Variants in MROH2B observed in about 807,000 individuals in gnomAD.
MROH2B encodes the protein maestro heat like repeat family member 2B.
Under a neutral mutation model 208.6 loss-of-function variants are expected in MROH2B, and 177 were observed. The observed-to-expected ratio is 0.85, with a 90% CI of 0.75 to 0.96. The LOEUF is 0.96. Among genes scored for constraint, MROH2B ranks in the 40% least tolerant of loss-of-function variants. The pLI is 0.00. For missense variants in MROH2B, 2,002 were observed against 1,878.7 expected (o/e 1.07, Z -1.21); for synonymous variants, 728 against 659.0 (o/e 1.10, Z -1.60).
chr5:41,061,770 G>T, intron 5 of MROH2B, 46 bp from the exon 6 acceptor site: 1 of 1,552,306 alleles, frequency 6.4e-7, no homozygotes, highest in Non-Finnish European at 8.7e-7. Flanking sequence ...ATATAAGGAT[G>T]GGGCAGACGA....
In MROH2B at chr5:41,069,681, T is replaced by A; in HGVS notation, c.90+10A>T. On this transcript the variant is annotated intron_variant, in intron 2 of 41. Coordinates refer to ENST00000399564, the MANE Select transcript of MROH2B (RefSeq NM_173489.5). ...AAAAAGGGAAAAAGATTTTTCTCTG[T>A]TTTCCCTACCTTGTTAACAATATCT... is the stretch of plus-strand genomic sequence containing the variant. The A allele has an allele frequency of 1.3e-6, 2 of 1,592,432 alleles. No individual in the cohort carries two copies. Among genetic ancestry groups the A allele is most frequent in the Non-Finnish European group, 1.7e-6 (2 of 1,167,062 alleles).
At chr5:41,010,937 C>A (rs1193469758) in intron 30 of MROH2B, among the ~76,000 whole-genome samples, 3 of 152,110 alleles carry the variant, frequency 2.0e-5, no homozygotes, top group Admixed American at 2.0e-4. Flanking sequence ...TCTAAAAAAT[C>A]TATTTTTTAA....
chr5:41,011,132 A>T (rs1741760835), intron 30 of MROH2B, among the ~76,000 whole-genome samples: 1 of 152,186 alleles, frequency 6.6e-6, no homozygotes, highest in Non-Finnish European at 1.5e-5. Flanking sequence ...GGCAGTAGGG[A>T]ACGATATCAT....
intron 18 of MROH2B, among the ~76,000 whole-genome samples, chr5:41,044,477 C>A (rs983667187): frequency 6.6e-6 from 1 of 152,174 alleles, no homozygotes. Flanking sequence ...GGCTTGAGAA[C>A]ATCTAGGCAG....
intron 24 of MROH2B, among the ~76,000 whole-genome samples, chr5:41,022,499 G>A (rs1158748853): frequency 6.6e-6 from 1 of 152,218 alleles, no homozygotes; most frequent in African/African-American, 2.4e-5. Flanking sequence ...GCGAGGCTGG[G>A]GGAGGGGCGC....
intron 37 of MROH2B, 111 bp from the exon 38 acceptor site, chr5:41,000,944 C>T: frequency 8.2e-7 from 1 of 1,220,484 alleles, no homozygotes; most frequent in Non-Finnish European, 1.1e-6. Flanking sequence ...AAGGCTGGAA[C>T]CCAGGCACTT....
intron 2 of MROH2B, among the ~76,000 whole-genome samples, chr5:41,069,090 C>A (rs1037336414): frequency 6.6e-6 from 1 of 152,124 alleles, no homozygotes; most frequent in African/African-American, 2.4e-5. Flanking sequence ...TTGAGCAAGT[C>A]ATGTAACTTC....
intron 24 of MROH2B, among the ~76,000 whole-genome samples, chr5:41,029,795 C>T (rs868611334): frequency 3.3e-5 from 5 of 151,770 alleles, no homozygotes; most frequent in Admixed American, 2.0e-4. Context: ...CTGTGCATCT[C>T]GGGAATACAA....
rs1403575193 is a variant in MROH2B at position 41,004,864 on chromosome 5, C to T, written c.3921G>A (p.Leu1307=). ...KHGNLRNVLI[L]MDQSAWDSNA... The stretch of plus-strand genomic sequence containing the variant: ...TGGAGTCCCAGGCACTTTGATCCAT[C>T]AAGATCAGCACATTTCGCAGATTCC... Residue 1307 remains leucine (L), a synonymous_variant, in exon 36 of 42, where the codon TTG becomes TTA. Transcript: ENST00000399564. The T allele has an allele frequency of 5.0e-6, 8 of 1,613,894 alleles. No homozygotes were observed. Among genetic ancestry groups the T allele is most frequent in the Non-Finnish European group, 6.8e-6 (8 of 1,179,892 alleles).
rs984989857 is a variant in MROH2B, at chr5:41,016,460, T to C, written c.2885-982A>G. On this transcript the variant is annotated intron_variant, in intron 28 of 41. Transcript: ENST00000399564. Reference sequence around the variant, plus strand: ...TAGAATCCAAATTCCTTTCTTCCTATGAGTTCCCTACTGGCATATTTCTGT... The same window carrying C: ...TAGAATCCAAATTCCTTTCTTCCTACGAGTTCCCTACTGGCATATTTCTGT... 5.3e-5 allele frequency among the ~76,000 whole-genome samples: 8 copies of C among 151,268 alleles called. No individual in the cohort carries two copies. In the Middle Eastern group the frequency reaches 0.021, roughly 389 times the overall value.
At chr5:41,063,686 G>A (rs1043440156) in intron 5 of MROH2B, among the ~76,000 whole-genome samples, 3 of 152,142 alleles carry the variant, frequency 2.0e-5, no homozygotes, top group Non-Finnish European at 4.4e-5. Flanking sequence ...GAAGTGGAAG[G>A]GAACGTAGCA....
intron 38 of MROH2B, 40 bp downstream of exon 38, chr5:41,000,638 G>A: frequency 6.3e-7 from 1 of 1,578,878 alleles, no homozygotes; most frequent in Non-Finnish European, 8.6e-7. Context: ...CTCAGCCATG[G>A]GGAGAGCAGG....
chr5:41,018,238 T>G, intron 27 of MROH2B, 103 bp downstream of exon 27: 1 of 1,206,562 alleles, frequency 8.3e-7, no homozygotes, highest in Non-Finnish European at 1.2e-6. Context: ...CACTTCACTC[T>G]GAGATGCACG....
chr5:41,066,661 T>C (rs1258993912), intron 3 of MROH2B, among the ~76,000 whole-genome samples: 1 of 152,214 alleles, frequency 6.6e-6, no homozygotes, highest in Non-Finnish European at 1.5e-5. Context: ...AAGTAATACT[T>C]CTTTCTGGAA....
chr5:40,998,697 A>G lies in MROH2B; in HGVS notation c.4586-20T>C, dbSNP rs1425283839. ...CGGCATCTAAAGTTAATAGGAGACC[A>G]TGTTACTGATTTCATTATAGAGGAA... On this transcript the variant is annotated intron_variant, in intron 40 of 41. Coordinates refer to ENST00000399564, the MANE Select transcript of MROH2B (RefSeq NM_173489.5). 1.3e-6 allele frequency: 2 copies of G among 1,559,606 alleles called. No individual in the cohort carries two copies. Among genetic ancestry groups the G allele is most frequent in the African/African-American group, 1.4e-5 (1 of 73,848 alleles).
intron 10 of MROH2B, 48 bp from the exon 11 acceptor site, chr5:41,054,888 A>G (rs1171431120): frequency 7.5e-7 from 1 of 1,327,292 alleles, no homozygotes; most frequent in South Asian, 1.3e-5. Context: ...ATAGAAGTAC[A>G]GTATGTTCTA....
intron 24 of MROH2B, among the ~76,000 whole-genome samples, chr5:41,027,841 T>C (rs200397063): frequency 6.6e-6 from 1 of 152,190 alleles, no homozygotes; most frequent in Non-Finnish European, 1.5e-5. Flanking sequence ...ATATACACCA[T>C]GGAATACTAT....
chr5:41,051,549 G>A (rs1743284957), intron 12 of MROH2B: 1 of 152,342 alleles, frequency 6.6e-6, no homozygotes, highest in Admixed American at 6.5e-5. Context: ...AAATTCATAT[G>A]TTGAAATCTG....
rs771129786 is a variant in MROH2B, at chr5:41,004,483, G to A, written c.4057C>T (p.Leu1353=). The A allele has an allele frequency of 1.9e-6, 3 of 1,613,330 alleles. 1 individual carries two copies. In the South Asian group the frequency reaches 3.3e-5, roughly 18 times the overall value. The part of the protein sequence containing the change: ...QLMLESIIRG[L]YHLARTEVVC... Reference sequence around the variant, plus strand: ...ACTTCAGTGCGAGCTAGGTGATACAGGCCTCTGATGATAGATTCTAGCATT... The same window carrying A: ...ACTTCAGTGCGAGCTAGGTGATACAAGCCTCTGATGATAGATTCTAGCATT... Residue 1353 remains leucine (L), a synonymous_variant, in exon 37 of 42, where the codon CTG becomes TTG. Coordinates refer to ENST00000399564, the MANE Select transcript of MROH2B (RefSeq NM_173489.5).
Sources: allele counts gnomAD v4.1 joint callset (sites outside exome capture counted in the v4.1 genomes callset), GRCh38; gene constraint gnomAD v4.1.1; transcripts MANE v1.5; gene names NCBI Gene and HGNC (gene_info 2026-07-23, HGNC 2026-07-21).